PCDH11X: variants seen among roughly 807,000 people sequenced by gnomAD.
PCDH11X encodes the protein protocadherin 11 X-linked, also known as protocadherin-11 X-linked.
In PCDH11X, 18 loss-of-function variants were observed where a neutral mutation model predicts 53.3. The observed-to-expected ratio is 0.34, with a 90% confidence interval of 0.23 to 0.50. The LOEUF is 0.50. PCDH11X is among the 20% of genes least tolerant of loss of function. PCDH11X has a pLI of 0.98. For missense variants in PCDH11X, 570 were observed against 1,032.4 expected (o/e 0.55, Z 6.14); for synonymous variants, 279 against 393.3 (o/e 0.71, Z 3.44).
At chrX:91,865,713 A>G (rs1464736068) in intron 5 of PCDH11X, among the ~76,000 whole-genome samples, 1 of 112,219 alleles carries the variant, frequency 8.9e-6, no homozygotes, top group Non-Finnish European at 1.9e-5. Context: ...TCAAACCACA[A>G]CATGCAATCC....
intron 9 of PCDH11X, among the ~76,000 whole-genome samples, chrX:92,438,310 C>T (rs977758012): frequency 9.0e-6 from 1 of 111,353 alleles, no homozygotes; most frequent in Non-Finnish European, 1.9e-5. Flanking sequence ...AAAACTCCCT[C>T]GGTGCTGTTG....
At chrX:92,318,364 C>A (rs1363000075) in intron 8 of PCDH11X, among the ~76,000 whole-genome samples, 1 of 111,579 alleles carries the variant, frequency 9.0e-6, no homozygotes, top group Non-Finnish European at 1.9e-5. Context: ...CCTGTACAAT[C>A]CAGCAATCAA....
At chrX:92,315,566 T>C (rs959822234) in intron 8 of PCDH11X, among the ~76,000 whole-genome samples, 12 of 111,364 alleles carry the variant, frequency 1.1e-4, no homozygotes, top group African/African-American at 3.9e-4. Flanking sequence ...AGACAGAATC[T>C]CACTCCTTCA....
At chrX:92,440,715 G>T (rs1321283507) in intron 9 of PCDH11X, among the ~76,000 whole-genome samples, 1 of 110,101 alleles carries the variant, frequency 9.1e-6, no homozygotes, top group South Asian at 3.9e-4. Context: ...AAATTGCCCA[G>T]TCTCAGGTAT....
chrX:92,232,757 C>T (rs2067099453), intron 7 of PCDH11X, among the ~76,000 whole-genome samples: 1 of 112,236 alleles, frequency 8.9e-6, no homozygotes, highest in South Asian at 3.7e-4. Flanking sequence ...CGTTTTGTCG[C>T]CCAGGCTGGA....
intron 10 of PCDH11X, among the ~76,000 whole-genome samples, chrX:92,545,724 A>T (rs1402082561): frequency 9.0e-6 from 1 of 111,340 alleles, no homozygotes; most frequent in African/African-American, 3.3e-5. Flanking sequence ...TCTTGAATTG[A>T]TAATTAATTC....
chrX:92,600,549 G>A (rs1025124370), intron 10 of PCDH11X, among the ~76,000 whole-genome samples: 7 of 111,347 alleles, frequency 6.3e-5, no homozygotes, highest in African/African-American at 2.3e-4. Context: ...TTTGGAGGAT[G>A]TATGGAAATT....
intron 6 of PCDH11X, among the ~76,000 whole-genome samples, chrX:92,156,948 A>G (rs778468706): frequency 1.8e-5 from 2 of 111,883 alleles, no homozygotes; most frequent in Non-Finnish European, 3.8e-5. Context: ...AACGACCTTC[A>G]TAAGAGAGAT....
At chrX:91,948,563 T>C (rs1295539987) in intron 6 of PCDH11X, among the ~76,000 whole-genome samples, 2 of 110,825 alleles carry the variant, frequency 1.8e-5, no homozygotes, top group Non-Finnish European at 3.8e-5. Context: ...TGCAATCAGA[T>C]GATACATTTA....
At chrX:92,106,790 AG>A (rs770914873) in intron 6 of PCDH11X, among the ~76,000 whole-genome samples, 3 of 111,923 alleles carry the variant, frequency 2.7e-5, no homozygotes, top group Non-Finnish European at 3.8e-5. Flanking sequence ...ATAAATTCTA[AG>A]GCCATCCAAT....
chrX:92,255,985 T>A (rs970563255), intron 7 of PCDH11X, among the ~76,000 whole-genome samples: 18 of 112,356 alleles, frequency 1.6e-4, no homozygotes, highest in African/African-American at 4.9e-4. Flanking sequence ...CCCAGCTGCT[T>A]TGTTTACCTA....
At chrX:92,360,875 AT>A (rs1399810190) in intron 8 of PCDH11X, among the ~76,000 whole-genome samples, 1 of 108,513 alleles carries the variant, frequency 9.2e-6, no homozygotes, top group African/African-American at 3.3e-5. Context: ...TGGAAAATAT[AT>A]TTCTTAAAAT....
At chrX:92,226,614 T>C (rs776836226) in intron 7 of PCDH11X, among the ~76,000 whole-genome samples, 41 of 110,132 alleles carry the variant, frequency 3.7e-4, no homozygotes, top group Non-Finnish European at 7.4e-4. Context: ...GGAAAAAGAG[T>C]AATATTTTTA....
intron 8 of PCDH11X, among the ~76,000 whole-genome samples, chrX:92,344,151 C>T (rs1299118846): frequency 3.9e-5 from 4 of 102,228 alleles, no homozygotes; most frequent in Non-Finnish European, 8.0e-5. Flanking sequence ...TATTTTGGCC[C>T]GTTATTCTAG....
intron 6 of PCDH11X, among the ~76,000 whole-genome samples, chrX:92,022,760 C>T (rs1280723908): frequency 8.9e-6 from 1 of 111,822 alleles, no homozygotes; most frequent in African/African-American, 3.3e-5. Flanking sequence ...AAATCAACCA[C>T]ATGATTCGAA....
At chrX:92,449,768 T>C (rs1472931331) in intron 9 of PCDH11X, among the ~76,000 whole-genome samples, 5 of 110,436 alleles carry the variant, frequency 4.5e-5, no homozygotes, top group Non-Finnish European at 9.5e-5. Flanking sequence ...AGCAACTCTT[T>C]GTTAGACTCT....
At chrX:91,866,210 G>A (rs1009136498) in intron 5 of PCDH11X, among the ~76,000 whole-genome samples, 1 of 110,404 alleles carries the variant, frequency 9.1e-6, no homozygotes, top group Non-Finnish European at 1.9e-5. Context: ...GCAGCCTTGG[G>A]TTAGGGGACA....
intron 5 of PCDH11X, among the ~76,000 whole-genome samples, chrX:91,838,934 G>A (rs1323991649): frequency 1.2e-4 from 13 of 112,420 alleles, no homozygotes; most frequent in Non-Finnish European, 2.3e-4. Flanking sequence ...TTTACTATTT[G>A]ATATTAATTA....
intron 6 of PCDH11X, among the ~76,000 whole-genome samples, chrX:92,104,886 T>A (rs1183215017): frequency 1.8e-5 from 2 of 110,154 alleles, no homozygotes; most frequent in East Asian, 5.8e-4. Flanking sequence ...AAATAAGCGA[T>A]TGGGGGGTTC....
Sources: allele counts gnomAD v4.1 joint callset (sites outside exome capture counted in the v4.1 genomes callset), GRCh38; gene constraint gnomAD v4.1.1; transcripts MANE v1.5; gene names NCBI Gene and HGNC (gene_info 2026-07-23, HGNC 2026-07-21).